STK3: variants seen among roughly 807,000 people sequenced by gnomAD.
STK3 encodes the protein serine/threonine-protein kinase 3.
Under a neutral mutation model 58.0 loss-of-function variants are expected in STK3, and 41 were observed. The observed-to-expected ratio is 0.71, with a 90% confidence interval of 0.55 to 0.92. The LOEUF (loss-of-function observed/expected upper bound fraction) is 0.92, where lower values mean the gene tolerates loss of function less well. Ranked by LOEUF, STK3 falls within the 40% of genes least tolerant of loss-of-function variation. The probability of loss-of-function intolerance (pLI) is 0.00; values close to 1 mark genes in which losing one functional copy is unlikely to be tolerated. For synonymous variants in STK3, 170 were observed against 191.0 expected (o/e 0.89, Z 0.91); for missense variants, 479 against 602.7 (o/e 0.79, Z 2.15).
At chr8:98,743,687 T>A (rs575134446) in intron 4 of STK3, among the ~76,000 whole-genome samples, 35 of 152,244 alleles carry the variant, frequency 2.3e-4, no homozygotes, top group African/African-American at 8.4e-4. Flanking sequence ...AAGGACTTCA[T>A]GTCTAAAACA....
At chr8:98,422,520 G>A (rs1230944375) in intron 3 of STK3, among the ~76,000 whole-genome samples, 1 of 152,174 alleles carries the variant, frequency 6.6e-6, no homozygotes, top group East Asian at 1.9e-4. Flanking sequence ...GGCTCAAGAG[G>A]GGATCCTCTT....
chr8:98,781,509 T>C (rs919524163), intron 1 of STK3, among the ~76,000 whole-genome samples: 4 of 152,042 alleles, frequency 2.6e-5, no homozygotes, highest in Admixed American at 2.0e-4. Flanking sequence ...TCACAAAATA[T>C]CACAAGGCAG....
intron 10 of STK3, among the ~76,000 whole-genome samples, chr8:98,464,395 TTAAC>T (rs1345925612): frequency 6.6e-6 from 1 of 151,742 alleles, no homozygotes; most frequent in Non-Finnish European, 1.5e-5. Context: ...TGCCACACAT[TTAAC>T]TAACAATGAG....
At chr8:98,913,743 C>A (rs1839237144) in intron 1 of STK3, among the ~76,000 whole-genome samples, 1 of 152,240 alleles carries the variant, frequency 6.6e-6, no homozygotes, top group Non-Finnish European at 1.5e-5. Flanking sequence ...CCACACCAGG[C>A]ACAAATGAAT....
At chr8:98,769,435 C>T (rs1028797259) in intron 2 of STK3, among the ~76,000 whole-genome samples, 11 of 152,128 alleles carry the variant, frequency 7.2e-5, no homozygotes, top group East Asian at 3.9e-4. Flanking sequence ...TCTCTTTGCC[C>T]GCTGCCATCC....
Position 98,775,519 on chromosome 8 carries a change from G to T in STK3, c.27-700C>A, listed in dbSNP as rs550888951. 4.4e-4 allele frequency among the ~76,000 whole-genome samples: 67 copies of T among 152,208 alleles called. No homozygotes were observed. In the South Asian group the frequency reaches 0.014, roughly 31 times the overall value. ...CAAGACTGTGCATTACTCACTGTGG[G>T]TTTTTTTGCTTATTCTCTGCTTTGT... On this transcript the variant is annotated intron_variant, in intron 1 of 10. Coordinates refer to ENST00000419617, the MANE Select transcript of STK3 (RefSeq NM_006281.4).
chr8:98,479,704 C>T lies in STK3; in HGVS notation c.1318-23704G>A, dbSNP rs1325342833. ...ATGTCTGGGATGTAATCCAAAATTA[C>T]TTGACATATGAAGAATCTGGAAAAT... is the stretch of plus-strand genomic sequence containing the variant. On this transcript the variant is annotated intron_variant, in intron 10 of 10. Coordinates refer to ENST00000419617, the MANE Select transcript of STK3 (RefSeq NM_006281.4). 2.6e-5 allele frequency among the ~76,000 whole-genome samples: 4 copies of T among 152,244 alleles called. No individual in the cohort carries two copies. In the East Asian group the frequency reaches 7.7e-4, roughly 29 times the overall value.
chr8:98,530,902 C>T (rs1826127598), intron 9 of STK3, among the ~76,000 whole-genome samples: 1 of 152,208 alleles, frequency 6.6e-6, no homozygotes, highest in Admixed American at 6.5e-5. Context: ...CCATAAGAAG[C>T]AACTCTTCAT....
At chr8:98,802,725 ATTAG>A (rs1427809430) in intron 1 of STK3, among the ~76,000 whole-genome samples, 4 of 152,256 alleles carry the variant, frequency 2.6e-5, no homozygotes, top group Non-Finnish European at 5.9e-5. Flanking sequence ...TAAAATATTA[ATTAG>A]TTATAGAACA....
downstream of STK3, chr8:98,880,742 T>A (rs1837762109): frequency 6.6e-6 from 1 of 152,196 alleles, no homozygotes; most frequent in Non-Finnish European, 1.5e-5. Flanking sequence ...ACATCATATG[T>A]CATTAGGGAA....
intron 8 of STK3, among the ~76,000 whole-genome samples, chr8:98,549,950 T>A (rs1000366238): frequency 1.3e-5 from 2 of 152,060 alleles, no homozygotes; most frequent in Admixed American, 6.6e-5. Flanking sequence ...GAGGCTACAG[T>A]GAGCTATGAT....
At chr8:98,839,797 G>A (rs886618445) in intron 3 of STK3, among the ~76,000 whole-genome samples, 1 of 152,138 alleles carries the variant, frequency 6.6e-6, no homozygotes, top group South Asian at 2.1e-4. Flanking sequence ...CAAAGTCAAA[G>A]ATATTAGGAA....
intron 1 of STK3, among the ~76,000 whole-genome samples, chr8:98,779,635 C>A (rs1433557505): frequency 6.6e-6 from 1 of 152,098 alleles, no homozygotes; most frequent in Non-Finnish European, 1.5e-5. Flanking sequence ...TATGTATATG[C>A]AAATACTCCA....
At chr8:98,412,280 A>T (rs1449244157) in intron 3 of STK3, among the ~76,000 whole-genome samples, 3 of 152,200 alleles carry the variant, frequency 2.0e-5, no homozygotes, top group African/African-American at 4.8e-5. Flanking sequence ...GTGGTTGGCC[A>T]CTAGAACAGA....
At chr8:98,799,457 AG>A (rs935264742) in intron 1 of STK3, among the ~76,000 whole-genome samples, 7 of 151,304 alleles carry the variant, frequency 4.6e-5, no homozygotes, top group African/African-American at 1.7e-4. Flanking sequence ...GAAGTCAAAA[AG>A]AAAGGGAGAT....
chr8:98,858,972 A>G (rs1836821822), intron 3 of STK3, among the ~76,000 whole-genome samples: 1 of 152,122 alleles, frequency 6.6e-6, no homozygotes, highest in Non-Finnish European at 1.5e-5. Context: ...AGGATTACTG[A>G]ATATTTGTCA....
Position 98,813,413 on chromosome 8 carries a change from G to T in STK3, c.26+12102C>A, listed in dbSNP as rs532534139. ...ATAAAACAGTATTAAATTTATGGGG[G>T]TTTAATTAATTATTGGCACCATAAA... On this transcript the variant is annotated intron_variant, in intron 1 of 10. Transcript: ENST00000419617. Among the ~76,000 whole-genome samples the T allele has an allele frequency of 8.6e-5, 13 of 151,550 alleles. No individual in the cohort carries two copies. The East Asian group carries it at 1.9e-3, about 23-fold the overall frequency.
chr8:98,482,436 A>T (rs1278017682), intron 10 of STK3, among the ~76,000 whole-genome samples: 1 of 152,236 alleles, frequency 6.6e-6, no homozygotes, highest in Non-Finnish European at 1.5e-5. Flanking sequence ...TAAAAAATAC[A>T]TGTAAGTATA....
At chr8:98,860,774 G>A (rs991750737) in intron 3 of STK3, among the ~76,000 whole-genome samples, 1 of 152,122 alleles carries the variant, frequency 6.6e-6, no homozygotes, top group Admixed American at 6.6e-5. Flanking sequence ...CTGGACACGG[G>A]GTGGATGCGG....
Sources: allele counts gnomAD v4.1 joint callset (sites outside exome capture counted in the v4.1 genomes callset), GRCh38; gene constraint gnomAD v4.1.1; transcripts MANE v1.5; gene names NCBI Gene and HGNC (gene_info 2026-07-23, HGNC 2026-07-21).